SNTG1: variants seen among roughly 807,000 people sequenced by gnomAD.
SNTG1 encodes the protein syntrophin gamma 1, also known as gamma-1-syntrophin.
SNTG1 carries 39 observed loss-of-function variants against 74.7 expected under a neutral mutation model. The observed-to-expected ratio is 0.52, with a 90% confidence interval of 0.40 to 0.68. SNTG1 has a LOEUF of 0.68. SNTG1 is among the 30% of genes least tolerant of loss of function. The probability of loss-of-function intolerance (pLI) is 0.00; values close to 1 mark genes in which losing one functional copy is unlikely to be tolerated. For synonymous variants in SNTG1, 254 were observed against 217.1 expected, an observed-to-expected ratio of 1.17 and a Z score of -1.49; for missense variants, 685 against 609.5, an observed-to-expected ratio of 1.12 and a Z score of -1.30.
At chr8:49,960,249 G>A (rs1466544946) in intron 1 of SNTG1, among the ~76,000 whole-genome samples, 1 of 152,130 alleles carries the variant, frequency 6.6e-6, no homozygotes, top group East Asian at 1.9e-4. Flanking sequence ...CTCTCAATTT[G>A]TATCGATTTA....
At position 50,463,641 on chromosome 8, in the gene SNTG1, G is replaced by A. The variant is rs1054300572; in HGVS notation, c.363+12912G>A. Among the ~76,000 whole-genome samples the A allele has an allele frequency of 1.4e-4, 22 of 152,060 alleles. 1 individual carries two copies. Among genetic ancestry groups the A allele is most frequent in the Non-Finnish European group, 2.9e-5 (2 of 68,014 alleles). On this transcript the variant is annotated intron_variant, in intron 8 of 18. Transcript: ENST00000642720. ...CTGTAAACAGATGTCCTGTCATCTA[G>A]GCTTTGTTATTCTATTCCTAGAGTA...
At chr8:50,234,755 T>G (rs879595008) in intron 2 of SNTG1, among the ~76,000 whole-genome samples, 1 of 152,072 alleles carries the variant, frequency 6.6e-6, no homozygotes, top group Non-Finnish European at 1.5e-5. Flanking sequence ...AAGATAAATT[T>G]ATATCACAAA....
intron 9 of SNTG1, among the ~76,000 whole-genome samples, chr8:50,529,660 GT>G (rs1038578859): frequency 1.3e-5 from 2 of 151,868 alleles, no homozygotes; most frequent in Non-Finnish European, 2.9e-5. Context: ...CTAATATGAA[GT>G]TTTTTCATTG....
intron 10 of SNTG1, among the ~76,000 whole-genome samples, chr8:50,534,068 A>G (rs926424816): frequency 1.3e-5 from 2 of 152,234 alleles, no homozygotes; most frequent in African/African-American, 4.8e-5. Flanking sequence ...ACCTGAAGTT[A>G]TATAACCAAA....
intron 12 of SNTG1, among the ~76,000 whole-genome samples, chr8:50,560,822 A>T: frequency 1.3e-5 from 2 of 152,290 alleles, no homozygotes; most frequent in Middle Eastern, 6.8e-3. Flanking sequence ...GCACATGTTT[A>T]TCTGTGTAAC....
At chr8:50,498,258 C>T (rs1006637842) in intron 8 of SNTG1, among the ~76,000 whole-genome samples, 1 of 151,734 alleles carries the variant, frequency 6.6e-6, no homozygotes, top group Non-Finnish European at 1.5e-5. Context: ...CCTCCAAAAC[C>T]TTACACACAC....
chr8:50,342,910 G>A (rs2091361083), intron 2 of SNTG1, among the ~76,000 whole-genome samples: 1 of 152,162 alleles, frequency 6.6e-6, no homozygotes, highest in Non-Finnish European at 1.5e-5. Context: ...GAGTTCTAGA[G>A]ATATGGGGCC....
chr8:50,757,381 A>G (rs1413998036), intron 18 of SNTG1, among the ~76,000 whole-genome samples: 1 of 151,826 alleles, frequency 6.6e-6, no homozygotes, highest in Non-Finnish European at 1.5e-5. Flanking sequence ...TATACATGCT[A>G]AGGATTGTTA....
intron 2 of SNTG1, among the ~76,000 whole-genome samples, chr8:50,304,238 A>T (rs1361783839): frequency 6.6e-6 from 1 of 152,124 alleles, no homozygotes; most frequent in Non-Finnish European, 1.5e-5. Context: ...TCCCACTTTC[A>T]TCATGTGATG....
intron 1 of SNTG1, among the ~76,000 whole-genome samples, chr8:50,041,236 C>A (rs1408182628): frequency 2.0e-5 from 3 of 152,086 alleles, no homozygotes; most frequent in Non-Finnish European, 4.4e-5. Flanking sequence ...ATTATTGAGT[C>A]GCTTTGAAAT....
intron 2 of SNTG1, among the ~76,000 whole-genome samples, chr8:50,339,330 G>A (rs1224041712): frequency 6.6e-6 from 1 of 151,554 alleles, no homozygotes; most frequent in Admixed American, 6.6e-5. Context: ...AAATGATATG[G>A]GTCAGTAACT....
chr8:50,364,631 T>G (rs990031097), intron 2 of SNTG1, among the ~76,000 whole-genome samples: 4 of 152,150 alleles, frequency 2.6e-5, no homozygotes, highest in Admixed American at 2.0e-4. Context: ...CCTCTCATTA[T>G]TATATTGGCT....
intron 15 of SNTG1, among the ~76,000 whole-genome samples, chr8:50,682,120 C>T (rs1224514458): frequency 6.6e-6 from 1 of 152,096 alleles, no homozygotes; most frequent in Non-Finnish European, 1.5e-5. Flanking sequence ...CTCGGCAAGA[C>T]AATCTTTACT....
intron 9 of SNTG1, among the ~76,000 whole-genome samples, chr8:50,508,731 T>C (rs188673773): frequency 3.2e-4 from 49 of 152,368 alleles, no homozygotes; most frequent in Admixed American, 1.8e-3. Flanking sequence ...TCAAGAAGTA[T>C]CTGTCCATAT....
chr8:50,541,049 AT>A (rs1280779416), intron 11 of SNTG1, among the ~76,000 whole-genome samples: 1 of 151,776 alleles, frequency 6.6e-6, no homozygotes. Flanking sequence ...TATACATCTT[AT>A]TTTTTTCTAT....
intron 1 of SNTG1, among the ~76,000 whole-genome samples, chr8:50,033,024 C>A (rs1249615003): frequency 2.6e-5 from 4 of 150,950 alleles, no homozygotes; most frequent in African/African-American, 4.9e-5. Context: ...TTTTTTAAAT[C>A]TTGGGTTTGT....
chr8:50,705,743 A>C (rs1401309603), intron 16 of SNTG1, among the ~76,000 whole-genome samples: 2 of 152,172 alleles, frequency 1.3e-5, no homozygotes, highest in Non-Finnish European at 2.9e-5. Flanking sequence ...TTTGTTTCTT[A>C]AGTGTGAAGT....
chr8:50,024,375 A>G (rs892179060), intron 1 of SNTG1, among the ~76,000 whole-genome samples: 19 of 152,196 alleles, frequency 1.2e-4, no homozygotes, highest in Admixed American at 7.9e-4. Context: ...GCAAGACGGC[A>G]TTAGTCACTT....
chr8:50,277,928 C>T (rs36097929), intron 2 of SNTG1, among the ~76,000 whole-genome samples: 79,471 of 152,110 alleles, frequency 0.52, 23,772 homozygotes, highest in East Asian at 0.83. Context: ...AATCCCAGCA[C>T]TTTGGGAAGC....
Sources: allele counts gnomAD v4.1 joint callset (sites outside exome capture counted in the v4.1 genomes callset), GRCh38; gene constraint gnomAD v4.1.1; transcripts MANE v1.5; gene names NCBI Gene and HGNC (gene_info 2026-07-23, HGNC 2026-07-21).